NKAIN4: variants seen among roughly 807,000 people sequenced by gnomAD.
The protein encoded by NKAIN4 is sodium/potassium transporting ATPase interacting 4.
In NKAIN4, 28 loss-of-function variants were observed where a neutral mutation model predicts 28.8. The observed-to-expected ratio is 0.97, with a 90% CI of 0.72 to 1.33. The LOEUF (loss-of-function observed/expected upper bound fraction) is 1.33, where lower values mean the gene tolerates loss of function less well. Ranked by LOEUF, NKAIN4 falls within the 40% of genes most tolerant of loss-of-function variation. NKAIN4 has a pLI of 0.00. For synonymous variants in NKAIN4, 122 were observed against 115.6 expected, an observed-to-expected ratio of 1.06 and a Z score of -0.36; for missense variants, 289 against 277.2, an observed-to-expected ratio of 1.04 and a Z score of -0.30.
At chr20:63,243,219 G>A (rs1431024521) in intron 5 of NKAIN4, among the ~76,000 whole-genome samples, 2 of 152,212 alleles carry the variant, frequency 1.3e-5, no homozygotes. Context: ...GATGGTTTAG[G>A]ATCAGCAGCA....
chr20:63,254,713 G>A (rs2067021446), upstream of NKAIN4: 2 of 292,622 alleles, frequency 6.8e-6, no homozygotes, highest in African/African-American at 2.2e-5. Context: ...GGCCTCTCGG[G>A]TAGCGAGGGG....
chr20:63,247,349 G>A, intron 4 of NKAIN4: 2 of 1,499,298 alleles, frequency 1.3e-6, no homozygotes, highest in South Asian at 1.3e-5. Context: ...AAAGCGCCTG[G>A]GTTGGCCCCG....
chr20:63,254,451 G>A lies in NKAIN4; in HGVS notation c.-1C>T. The A allele has an allele frequency of 7.2e-7, 1 of 1,379,624 alleles. No homozygotes were observed. The highest frequency in any genetic ancestry group is 9.4e-7 in the Non-Finnish European group (1 of 1,066,760). The allele number at this position is 1,379,624 out of a possible 1,614,324, so 85.5% of individuals were successfully genotyped here. A position where few individuals can be genotyped will look rare whatever the true frequency, so the allele number is the denominator to read the frequency against. The stretch of plus-strand genomic sequence containing the variant: ...CGCAGCGGCCGGAGCAGGAGCCCAT[G>A]GTGCCCGCCTATACAGGAGGCCCCC... On this transcript the variant is annotated 5_prime_UTR_variant, in exon 1 of 7. Coordinates refer to ENST00000370316, the MANE Select transcript of NKAIN4 (RefSeq NM_152864.4).
Position 63,250,059 on chromosome 20 carries a change from T to C in NKAIN4, c.68A>G (p.Glu23Gly). The change falls in exon 2 of 7, where the codon GAG becomes GGG. Residue 23 changes from glutamate (E) to glycine (G), a missense_variant. Glu to Gly is a moderately conservative substitution (Grantham distance 98). Coordinates refer to ENST00000370316, the MANE Select transcript of NKAIN4 (RefSeq NM_152864.4). ...LCAFQLVAAL[E>G]RQVFDFLGYQ... ...GCCCAGGAAGTCAAACACCTGCCTC[T>C]CCAGGGCGGCGACCTAGGAGCAGGG... 1 of 1,580,954 alleles carries C rather than the reference T, an allele frequency of 6.3e-7. No homozygotes were observed. Among genetic ancestry groups the C allele is most frequent in the South Asian group, 1.1e-5 (1 of 87,114 alleles).
upstream of NKAIN4, chr20:63,254,726 G>C: frequency 3.6e-6 from 1 of 276,158 alleles, no homozygotes. Context: ...GCGAGGGGCG[G>C]CGCCGCGGCC....
intron 4 of NKAIN4, chr20:63,246,844 T>C (rs2066867109): frequency 1.0e-6 from 1 of 985,426 alleles, no homozygotes; most frequent in Non-Finnish European, 1.2e-6. Flanking sequence ...TGACACCATC[T>C]GCATTTTACA....
chr20:63,241,886 C>A (rs1234148133), intron 6 of NKAIN4: 2 of 388,224 alleles, frequency 5.2e-6, no homozygotes, highest in Non-Finnish European at 9.9e-6. Context: ...CTACCTTGAA[C>A]GGCCCCTGCC....
chr20:63,244,015 C>A lies in NKAIN4; in HGVS notation c.532+9G>T. 6.2e-7 allele frequency: 1 copy of A among 1,610,994 alleles called. No individual in the cohort carries two copies. Among genetic ancestry groups the A allele is most frequent in the Admixed American group, 1.7e-5 (1 of 59,870 alleles). ...CCCGCCCCACTGCCTGCAGAGGCCC[C>A]ATACTCACAGCTGTCCTCTTCCTCC... On this transcript the variant is annotated intron_variant, in intron 5 of 6. Coordinates refer to ENST00000370316, the MANE Select transcript of NKAIN4 (RefSeq NM_152864.4).
chr20:63,244,093 C>T lies in NKAIN4; in HGVS notation c.472-9G>A. 1.2e-6 allele frequency: 2 copies of T among 1,612,878 alleles called. No homozygotes were observed. The highest frequency in any genetic ancestry group is 2.2e-5 in the East Asian group (1 of 44,844). On this transcript the variant is annotated splice_polypyrimidine_tract_variant and intron_variant, in intron 4 of 6. Coordinates refer to ENST00000370316, the MANE Select transcript of NKAIN4 (RefSeq NM_152864.4). The stretch of plus-strand genomic sequence containing the variant: ...CAGACAAAGCCCAGAAGCTGAAAGA[C>T]ACCACAGGCAGGGGCGTGAGTGCGG...
chr20:63,249,741 C>T (rs1032118402), intron 2 of NKAIN4, among the ~76,000 whole-genome samples, 194 bp downstream of exon 2: 4 of 152,152 alleles, frequency 2.6e-5, no homozygotes, highest in African/African-American at 7.2e-5. Flanking sequence ...CAAGCAGCCT[C>T]GGAAAAGCCC....
intron 5 of NKAIN4, chr20:63,243,785 G>A (rs1347874833): frequency 6.5e-6 from 3 of 459,166 alleles, no homozygotes; most frequent in African/African-American, 5.9e-5. Flanking sequence ...CAAAGCACAG[G>A]AGTCCTTGGA....
chr20:63,243,738 C>T (rs901673974), intron 5 of NKAIN4: 3 of 305,540 alleles, frequency 9.8e-6, no homozygotes, highest in African/African-American at 4.3e-5. Flanking sequence ...ACCTTCCTCC[C>T]GTGGCCACTG....
At chr20:63,248,992 G>A in intron 2 of NKAIN4, 97 bp from the exon 3 acceptor site, 1 of 815,462 alleles carries the variant, frequency 1.2e-6, no homozygotes, top group South Asian at 1.4e-5. Flanking sequence ...TGATCGCATA[G>A]GAGGGGCGGC....
intron 2 of NKAIN4, 50 bp from the exon 3 acceptor site, chr20:63,248,945 A>G: frequency 3.9e-6 from 5 of 1,265,978 alleles, no homozygotes; most frequent in African/African-American, 1.5e-5. Flanking sequence ...TCCCGGGCAC[A>G]CCTGCTTGCA....
At chr20:63,254,363 G>A (rs932609492) in intron 1 of NKAIN4, 34 bp downstream of exon 1, 6 of 1,421,162 alleles carry the variant, frequency 4.2e-6, no homozygotes, top group Middle Eastern at 2.5e-4. Flanking sequence ...GGCACCGGGG[G>A]CTCCAGGAGG....
intron 1 of NKAIN4, among the ~76,000 whole-genome samples, chr20:63,253,636 A>G (rs745755762): frequency 4.3e-4 from 65 of 152,250 alleles, no homozygotes; most frequent in Middle Eastern, 3.4e-3. Context: ...GCCTTTGTTT[A>G]GCCCCCTCCC....
chr20:63,244,970 T>C (rs965731923), intron 4 of NKAIN4, among the ~76,000 whole-genome samples: 1 of 152,156 alleles, frequency 6.6e-6, no homozygotes, highest in Non-Finnish European at 1.5e-5. Flanking sequence ...TCACTTCATC[T>C]TCTGGTCTTG....
intron 2 of NKAIN4, chr20:63,249,334 A>G: frequency 4.4e-6 from 1 of 228,814 alleles, no homozygotes; most frequent in South Asian, 6.3e-5. Flanking sequence ...ACACAGCCAC[A>G]CCCATTTGTG....
At chr20:63,249,907 C>G (rs1470241647) in intron 2 of NKAIN4, 28 bp downstream of exon 2, 2 of 1,595,064 alleles carry the variant, frequency 1.3e-6, no homozygotes, top group Non-Finnish European at 1.7e-6. Flanking sequence ...CCCACCTGCC[C>G]ATAAAGAGGG....
Sources: allele counts gnomAD v4.1 joint callset (sites outside exome capture counted in the v4.1 genomes callset), GRCh38; gene constraint gnomAD v4.1.1; transcripts MANE v1.5; gene names NCBI Gene and HGNC (gene_info 2026-07-23, HGNC 2026-07-21).